Variants in ZNF142 observed in about 807,000 individuals in gnomAD.
The protein encoded by ZNF142 is zinc finger protein 142, also known as zinc finger protein 142 (clone pHZ-49).
In ZNF142, 96 loss-of-function variants were observed where a neutral mutation model predicts 132.1. The ratio of observed to expected loss-of-function variants is 0.73; its 90% confidence interval spans 0.62 to 0.86. The LOEUF (loss-of-function observed/expected upper bound fraction) is 0.86. Ranked by LOEUF, ZNF142 falls within the 40% of genes least tolerant of loss-of-function variation. The pLI, the probability that ZNF142 is intolerant of heterozygous loss-of-function variation, is 0.00. For missense variants in ZNF142, 2,163 were observed against 2,336.2 expected (o/e 0.93, Z 1.53); for synonymous variants, 842 against 890.1 (o/e 0.95, Z 0.96).
Position 218,636,630 on chromosome 2 carries a change from A to G in ZNF142, c.*1709T>C. 3 of 1,537,972 alleles carry G rather than the reference A, an allele frequency of 2.0e-6. No homozygotes were observed. The highest frequency in any genetic ancestry group is 1.7e-4 in the Middle Eastern group (1 of 5,846). ...GTGCTGGCTTTAGACGGGGAGAAACATCTGGAAGGATGCTCGAGAGAACAA... is the reference window on the plus strand; with the variant it reads ...GTGCTGGCTTTAGACGGGGAGAAACGTCTGGAAGGATGCTCGAGAGAACAA... On this transcript the variant is annotated 3_prime_UTR_variant, in exon 11 of 11. Coordinates refer to ENST00000411696, the MANE Select transcript of ZNF142 (RefSeq NM_001379659.1).
chr2:218,649,599 T>C (rs1247103103), intron 6 of ZNF142, 140 bp from the exon 7 acceptor site: 6 of 824,060 alleles, frequency 7.3e-6, no homozygotes, highest in East Asian at 2.7e-5. Flanking sequence ...TCAAATACTG[T>C]AGTCTCAAAA....
rs1285456397 is a variant in ZNF142, at chr2:218,643,990, A to AG, written c.3125dup (p.Ile1044TyrfsTer31). On this transcript the variant is annotated frameshift_variant, in exon 9 of 11. Coordinates refer to ENST00000411696, the MANE Select transcript of ZNF142 (RefSeq NM_001379659.1). LOFTEE classifies it high-confidence loss of function. The stretch of plus-strand genomic sequence containing the variant: ...GGGCCTTCTCCCGGCGAGTGATAAA[A>AG]GGGCAGTGTGGGCAGCGGAAGGCTC... 1 of 1,614,024 alleles carries AG rather than the reference A, an allele frequency of 6.2e-7. No individual in the cohort carries two copies. The highest frequency in any genetic ancestry group is 1.3e-5 in the African/African-American group (1 of 74,910).
In ZNF142 at chr2:218,648,843, C is replaced by T. The variant is rs1937691425; in HGVS notation, c.1665G>A (p.Lys555=). ...CPHCDFACSN[K]HLFRKHKKQG... ...GCTTCTTGTGTTTACGGAATAGGTGCTTATTGGAACAAGCAAAATCACAGT... is the reference window on the plus strand; with the variant it reads ...GCTTCTTGTGTTTACGGAATAGGTGTTTATTGGAACAAGCAAAATCACAGT... The change falls in exon 7 of 11, where the codon AAG becomes AAA. Residue 555 remains lysine, a synonymous_variant. Transcript: ENST00000411696. 6.2e-7 allele frequency: 1 copy of T among 1,614,122 alleles called. No homozygotes were observed.
rs763297674 is a variant in ZNF142, at chr2:218,644,659, C to G, written c.2457G>C (p.Gln819His). Residue 819 changes from glutamine (Q) to histidine (H), a missense_variant, in exon 9 of 11, where the codon CAG becomes CAC. Around this residue, in one of 7 missense-constraint regions of ZNF142, gnomAD observed 749 missense variants for 830.3 expected, o/e 0.90. Transcript: ENST00000411696. The surrounding 1 kb of genome is among the most constrained non-coding windows in gnomAD (Gnocchi z 4.6). ...YASQEPEGAM[Q>H]GPTPPPDSEP... ...CTGAATCTGGTGGGGGTGTTGGGCC[C>G]TGCATGGCCCCTTCTGGCTCCTGGC... 1.2e-6 allele frequency: 2 copies of G among 1,614,222 alleles called. No homozygotes were observed. Among genetic ancestry groups the G allele is most frequent in the Non-Finnish European group, 1.7e-6 (2 of 1,180,034 alleles).
intron 5 of ZNF142, among the ~76,000 whole-genome samples, chr2:218,651,071 C>T (rs1937943667): frequency 6.6e-6 from 1 of 151,692 alleles, no homozygotes; most frequent in African/African-American, 2.4e-5. Flanking sequence ...ACTGCAACCT[C>T]CACCTCCTGA....
intron 3 of ZNF142, among the ~76,000 whole-genome samples, chr2:218,657,722 G>A (rs932256230): frequency 6.6e-6 from 1 of 152,144 alleles, no homozygotes; most frequent in African/African-American, 2.4e-5. Context: ...GAGGCACCGC[G>A]CCGGGCCTGG....
rs752718348 is a variant in ZNF142 at position 218,644,610 on chromosome 2, G to A, written c.2506C>T (p.Arg836Ter). Residue 836 changes from arginine (R) to a stop codon, truncating the protein, a stop_gained, in exon 9 of 11, where the codon CGA becomes TGA. Coordinates refer to ENST00000411696, the MANE Select transcript of ZNF142 (RefSeq NM_001379659.1). LOFTEE classifies it high-confidence loss of function. The surrounding 1 kb of genome is among the most constrained non-coding windows in gnomAD (Gnocchi z 4.6). Reference sequence around the variant, plus strand: ...GGTTCGTGACCTGGCCCCTCAGGTCGGGCTGACAGCTGGTTTGAGGGCTCT... The same window carrying A: ...GGTTCGTGACCTGGCCCCTCAGGTCAGGCTGACAGCTGGTTTGAGGGCTCT... ...DSEPSNQLSARPEGPGHEPGT... is the reference protein window; with the variant it reads ...DSEPSNQLSA 21 of 1,614,080 alleles carry A rather than the reference G, an allele frequency of 1.3e-5. No individual in the cohort carries two copies. Among genetic ancestry groups the A allele is most frequent in the Non-Finnish European group, 1.6e-5 (19 of 1,180,052 alleles).
In ZNF142 at chr2:218,633,963, A is replaced by T; in HGVS notation, c.*4376T>A. On this transcript the variant is annotated 3_prime_UTR_variant, in exon 11 of 11. Transcript: ENST00000411696. ...GGGGCAGGAAAGCTGGTCTGGATGG[A>T]CAGAGTAGAGAGGCACAGTGAAACT... 7.9e-7 allele frequency: 1 copy of T among 1,272,866 alleles called. No individual in the cohort carries two copies. The highest frequency in any genetic ancestry group is 1.5e-5 in the African/African-American group (1 of 67,148). The allele number at this position is 1,272,866 out of a possible 1,614,324, so 78.8% of individuals were successfully genotyped here.
Position 218,648,651 on chromosome 2 carries a change from G to A in ZNF142, c.1857C>T (p.His619=). 2 of 1,613,428 alleles carry A rather than the reference G, an allele frequency of 1.2e-6. No homozygotes were observed. The highest frequency in any genetic ancestry group is 1.7e-6 in the Non-Finnish European group (2 of 1,179,312). ...CCATCCTACCCGTATGTAGAAGCAT[G>A]TGTCGGATGAGCACCCTCTTGTGGG... ...ATAHKRVLIR[H]MLLHTGEKPH... The change falls in exon 7 of 11, where the codon CAC becomes CAT. Residue 619 remains histidine, a synonymous_variant. Transcript: ENST00000411696.
chr2:218,647,651 A>G (rs1385485174), intron 7 of ZNF142, among the ~76,000 whole-genome samples: 1 of 152,128 alleles, frequency 6.6e-6, no homozygotes, highest in Non-Finnish European at 1.5e-5. Context: ...GCTGTCAGTG[A>G]TACTCAGTGA....
In ZNF142 at chr2:218,642,559, A is replaced by G. The variant is rs1368329183; in HGVS notation, c.4557T>C (p.Ser1519=). The stretch of plus-strand genomic sequence containing the variant: ...GGGGGCCCTCAGTGGTCTCTGCAGG[A>G]GAGCCAGGGGCAGGCTGTGCAGGCT... ...HPEPAQPAPG[S]PAETTEGPLH... The change falls in exon 9 of 11, where the codon TCT becomes TCC. Residue 1519 remains serine, a synonymous_variant. Transcript: ENST00000411696. The surrounding 1 kb of genome is among the most constrained non-coding windows in gnomAD (Gnocchi z 4.6). The G allele has an allele frequency of 3.1e-6, 5 of 1,613,050 alleles. No homozygotes were observed. Among genetic ancestry groups the G allele is most frequent in the South Asian group, 2.2e-5 (2 of 91,014 alleles).
In ZNF142 at chr2:218,634,248, A is replaced by C. The variant is rs6737698; in HGVS notation, c.*4091T>G. ...TGAGGAGGCAGCAGGGACTGGGAAG[A>C]GGGAGTGGAGGAGCAGCAGGTGGGA... On this transcript the variant is annotated 3_prime_UTR_variant, in exon 11 of 11. Transcript: ENST00000411696. The surrounding 1 kb of genome is among the most constrained non-coding windows in gnomAD (Gnocchi z 4.0). The C allele has an allele frequency of 0.015, 24,289 of 1,595,614 alleles. 2,035 individuals are homozygous for C. In the African/African-American group the frequency reaches 0.23, roughly 15 times the overall value.
chr2:218,636,384 T>A lies in ZNF142; in HGVS notation c.*1955A>T. 2 of 1,614,024 alleles carry A rather than the reference T, an allele frequency of 1.2e-6. No homozygotes were observed. Among genetic ancestry groups the A allele is most frequent in the Non-Finnish European group, 1.7e-6 (2 of 1,179,892 alleles). ...CAGTACACCCTGCCTTGGACCTGCA[T>A]GCAACAAGGTGAGCCAGCCCCTTTG... On this transcript the variant is annotated 3_prime_UTR_variant, in exon 11 of 11. Transcript: ENST00000411696.
chr2:218,638,545 G>T lies in ZNF142; in HGVS notation c.5458C>A (p.Pro1820Thr), dbSNP rs1696900294. The T allele has an allele frequency of 6.2e-7, 1 of 1,610,800 alleles. No individual in the cohort carries two copies. The highest frequency in any genetic ancestry group is 1.7e-5 in the Admixed American group (1 of 59,884). ...TAGTTGCAGAGGCGGCAAAAGAAGG[G>T]GTGGCGGTCGGTGTGGGTGAGGGCA... ...HHALTHTDRH[P>T]FFCRLCNYKA... is the part of the protein sequence containing the mutation. The change falls in exon 11 of 11, where the codon CCC (proline) becomes ACC (threonine). Residue 1820 changes from proline (P) to threonine (T), a missense_variant. Coordinates refer to ENST00000411696, the MANE Select transcript of ZNF142 (RefSeq NM_001379659.1).
In ZNF142 at chr2:218,648,756, T is replaced by C. The variant is rs1423855485; in HGVS notation, c.1752A>G (p.Pro584=). The change falls in exon 7 of 11, where the codon CCA becomes CCG. Residue 584 remains proline (P), a synonymous_variant. Coordinates refer to ENST00000411696, the MANE Select transcript of ZNF142 (RefSeq NM_001379659.1). ...TGCCTACATGATCCTGGTAAGCCAC[T>C]GGGTTGAAGGTGGCAAAGGGGCAGA... ...CTFCPFATFN[P]VAYQDHVGKM... is the part of the protein sequence containing the mutation. 1.9e-6 allele frequency: 3 copies of C among 1,614,234 alleles called. No homozygotes were observed. The highest frequency in any genetic ancestry group is 4.5e-5 in the East Asian group (2 of 44,890).
rs200744717 is a variant in ZNF142 at position 218,638,829 on chromosome 2, C to A, written c.5195-21G>T. On this transcript the variant is annotated intron_variant, in intron 10 of 10. Coordinates refer to ENST00000411696, the MANE Select transcript of ZNF142 (RefSeq NM_001379659.1). ...CAGTCCTACAGGACAGGGAACAAATCACCATTGAAAGGCGGTGGAGCAAGG... is the reference window on the plus strand; with the variant it reads ...CAGTCCTACAGGACAGGGAACAAATAACCATTGAAAGGCGGTGGAGCAAGG... 3,875 of 1,561,996 alleles carry A rather than the reference C, an allele frequency of 2.5e-3. 9 individuals carry two copies. Among genetic ancestry groups the A allele is most frequent in the Non-Finnish European group, 3.1e-3 (3,619 of 1,157,114 alleles).
At position 218,658,818 on chromosome 2, in the gene ZNF142, T is replaced by C. The variant is rs533612995; in HGVS notation, c.-152A>G. The C allele has an allele frequency of 2.0e-5, 3 of 152,136 alleles. No individual in the cohort carries two copies. The highest frequency in any genetic ancestry group is 7.2e-5 in the African/African-American group (3 of 41,434). 9.4% of individuals were successfully genotyped at this position (152,136 alleles called of 1,614,324 possible). On this transcript the variant is annotated 5_prime_UTR_variant, in exon 3 of 11. Transcript: ENST00000411696. The stretch of plus-strand genomic sequence containing the variant: ...AACCTTCACCTGCGGGAGGGCAGGG[T>C]GAGGTAGGAGACAGGTGGGCACCAG...
At position 218,642,115 on chromosome 2, in the gene ZNF142, G is replaced by C; in HGVS notation, c.5001C>G (p.Ile1667Met). ...CAGTGTGGATGCGGCTGTGCCAGGTGATCTTCTGTCGGTTCTTGGTGCTGT... is the reference window on the plus strand; with the variant it reads ...CAGTGTGGATGCGGCTGTGCCAGGTCATCTTCTGTCGGTTCTTGGTGCTGT... ...CAYSTKNRQKITWHSRIHTGE... is the reference protein window; with the variant it reads ...CAYSTKNRQKMTWHSRIHTGE... Residue 1667 changes from isoleucine to methionine, a missense_variant, in exon 9 of 11, where the codon ATC (isoleucine) becomes ATG (methionine). By Grantham distance (10) the Ile-to-Met change is conservative. Coordinates refer to ENST00000411696, the MANE Select transcript of ZNF142 (RefSeq NM_001379659.1). The surrounding 1 kb of genome is among the most constrained non-coding windows in gnomAD (Gnocchi z 4.6). The C allele has an allele frequency of 6.2e-7, 1 of 1,614,218 alleles. No homozygotes were observed. The highest frequency in any genetic ancestry group is 1.3e-5 in the African/African-American group (1 of 75,038).
Position 218,633,871 on chromosome 2 carries a change from A to AACCAC in ZNF142, c.*4467_*4468insGTGGT. ...AAGACAAGGTAGCTAAGGAGAGATGAAGGAGTTCAGAAACTCCTTAGAGCA... is the reference window on the plus strand; with the variant it reads ...AAGACAAGGTAGCTAAGGAGAGATGAACCACAGGAGTTCAGAAACTCCTTAGAGCA... On this transcript the variant is annotated 3_prime_UTR_variant, in exon 11 of 11. Coordinates refer to ENST00000411696, the MANE Select transcript of ZNF142 (RefSeq NM_001379659.1). 4 of 1,385,088 alleles carry AACCAC rather than the reference A, an allele frequency of 2.9e-6. No individual in the cohort carries two copies. The highest frequency in any genetic ancestry group is 3.0e-6 in the Non-Finnish European group (3 of 1,002,660). The allele number at this position is 1,385,088 out of a possible 1,614,324, so 85.8% of individuals were successfully genotyped here. A position where few individuals can be genotyped will look rare whatever the true frequency, so the allele number is the denominator to read the frequency against.
Sources: gnomAD v4.1 joint callset for allele counts (sites outside exome capture counted in the v4.1 genomes callset) on GRCh38, gnomAD v4.1.1 for gene constraint, gnomAD v4.1.1 regional missense constraint, Gnocchi (gnomAD v3.1) non-coding constraint, MANE v1.5 for transcripts, NCBI Gene and HGNC (gene_info 2026-07-23, HGNC 2026-07-21) for gene names.